Variants in KAZN observed in about 807,000 individuals in gnomAD.
The protein encoded by KAZN is kazrin, periplakin interacting protein.
KAZN carries 40 observed loss-of-function variants against 87.4 expected under a neutral mutation model. That is an observed-to-expected ratio of 0.46 (90% CI 0.36 to 0.60). The LOEUF (loss-of-function observed/expected upper bound fraction) is 0.60, where lower values mean the gene tolerates loss of function less well. KAZN is among the 20% of genes least tolerant of loss of function. The pLI, the probability that KAZN is intolerant of heterozygous loss-of-function variation, is 0.00. For synonymous variants in KAZN, 466 were observed against 458.3 expected (o/e 1.02, Z -0.22); for missense variants, 898 against 1,073.9 (o/e 0.84, Z 2.29).
chr1:14,180,308 G>A (rs996727721), intron 1 of KAZN: 15 of 738,180 alleles, frequency 2.0e-5, no homozygotes, highest in African/African-American at 2.0e-4. Flanking sequence ...GATGTGTCAA[G>A]TTCTTGATAC....
chr1:14,166,925 A>T (rs1645840539), intron 1 of KAZN, among the ~76,000 whole-genome samples: 1 of 152,234 alleles, frequency 6.6e-6, no homozygotes, highest in African/African-American at 2.4e-5. Flanking sequence ...TTACAGACTC[A>T]GTAAGGAAGT....
rs74764015 is a variant in KAZN at position 14,241,776 on chromosome 1, G to C, written c.249+61184G>C. On this transcript the variant is annotated intron_variant, in intron 2 of 16. Coordinates refer to the KAZN transcript ENST00000636203. ...AAGAGGACTCAACTGGCCTCTGAAA[G>C]AAACTTTGAATTGCTGACGTGTGTC... Among the ~76,000 whole-genome samples the C allele has an allele frequency of 6.1e-4, 93 of 152,322 alleles. 1 individual carries two copies. Among genetic ancestry groups the C allele is most frequent in the African/African-American group, 2.2e-3 (90 of 41,578 alleles).
intron 2 of KAZN, among the ~76,000 whole-genome samples, chr1:14,552,991 AC>A (rs1386035391): frequency 6.6e-6 from 1 of 152,150 alleles, no homozygotes; most frequent in Non-Finnish European, 1.5e-5. Context: ...AAGACTCAGC[AC>A]AATTAGCCGT....
intron 1 of KAZN, among the ~76,000 whole-genome samples, chr1:14,004,553 G>A (rs116660761): frequency 1.6e-3 from 249 of 152,204 alleles, no homozygotes; most frequent in African/African-American, 5.7e-3. Context: ...TGCAGCAATG[G>A]GGTGCTTAGT....
At chr1:13,965,594 A>G (rs1020421395) in intron 1 of KAZN, among the ~76,000 whole-genome samples, 1 of 152,188 alleles carries the variant, frequency 6.6e-6, no homozygotes, top group Non-Finnish European at 1.5e-5. Context: ...ATTTCCCAGC[A>G]AGACTGGGAG....
intron 1 of KAZN, among the ~76,000 whole-genome samples, chr1:14,716,342 C>T (rs1030057480): frequency 1.3e-5 from 2 of 152,140 alleles, no homozygotes; most frequent in African/African-American, 4.8e-5. Flanking sequence ...CTCCAAAATC[C>T]CTGCTGCCTA....
intron 2 of KAZN, among the ~76,000 whole-genome samples, chr1:14,498,320 C>G (rs576715005): frequency 6.6e-6 from 1 of 152,236 alleles, no homozygotes; most frequent in Non-Finnish European, 1.5e-5. Flanking sequence ...CCAGCCTTCT[C>G]CTGCCTGCTC....
intron 2 of KAZN, among the ~76,000 whole-genome samples, chr1:14,976,020 A>C (rs1024422949): frequency 4.0e-5 from 5 of 125,700 alleles, no homozygotes; most frequent in Non-Finnish European, 8.0e-5. Flanking sequence ...CGACTGAGCG[A>C]GACTCCGTCT....
At chr1:14,842,990 G>A (rs1466123203) in intron 1 of KAZN, among the ~76,000 whole-genome samples, 1 of 152,138 alleles carries the variant, frequency 6.6e-6, no homozygotes, top group Non-Finnish European at 1.5e-5. Flanking sequence ...ATCTCTTATA[G>A]ACATTATCTC....
chr1:14,557,665 T>TGG (rs1157388971), intron 2 of KAZN, among the ~76,000 whole-genome samples: 1 of 122,766 alleles, frequency 8.1e-6, no homozygotes. Context: ...TGTGTGTGTG[T>TGG]GGTGTGTGAG....
At chr1:14,583,558 GGA>G (rs1675678814) in intron 2 of KAZN, among the ~76,000 whole-genome samples, 1 of 152,208 alleles carries the variant, frequency 6.6e-6, no homozygotes, top group Non-Finnish European at 1.5e-5. Flanking sequence ...TGGAGGCAAA[GGA>G]GCTGGGATTT....
intron 2 of KAZN, among the ~76,000 whole-genome samples, chr1:14,536,121 C>T (rs1399330248): frequency 6.6e-6 from 1 of 152,176 alleles, no homozygotes; most frequent in South Asian, 2.1e-4. Flanking sequence ...GCATGGTCAA[C>T]CCAATCCGGG....
At chr1:14,927,846 A>G (rs1659333651) in intron 1 of KAZN, among the ~76,000 whole-genome samples, 1 of 152,100 alleles carries the variant, frequency 6.6e-6, no homozygotes. Flanking sequence ...TCCCCTTTAC[A>G]TGAAACCCGC....
intron 2 of KAZN, among the ~76,000 whole-genome samples, chr1:14,510,292 T>A (rs1281020713): frequency 6.6e-6 from 1 of 151,440 alleles, no homozygotes; most frequent in Non-Finnish European, 1.5e-5. Flanking sequence ...GCAGGAGAAT[T>A]GCTTGAACCC....
rs193237705 is a variant in KAZN at position 14,298,620 on chromosome 1, G to C, written c.249+118028G>C. ...CTTCAGGTATTATTTTTAGTTTGCA[G>C]ACTAAAAGTTTGGAAAGGAATGAAA... On this transcript the variant is annotated intron_variant, in intron 2 of 16. Transcript: ENST00000636203. Among the ~76,000 whole-genome samples, 75 of 152,208 alleles carry C rather than the reference G, an allele frequency of 4.9e-4. 1 individual carries two copies. The highest frequency in any genetic ancestry group is 6.8e-3 in the Middle Eastern group (2 of 294).
intron 2 of KAZN, among the ~76,000 whole-genome samples, chr1:14,565,129 C>A (rs1032606093): frequency 3.3e-5 from 5 of 152,128 alleles, no homozygotes; most frequent in African/African-American, 1.2e-4. Flanking sequence ...AGTTGGAGAC[C>A]CCTAGGTATC....
intron 1 of KAZN, among the ~76,000 whole-genome samples, chr1:13,989,186 G>T (rs1639164791): frequency 6.6e-6 from 1 of 152,102 alleles, no homozygotes; most frequent in Non-Finnish European, 1.5e-5. Context: ...ATGGTCTTCA[G>T]CTCTCATTAG....
intron 2 of KAZN, among the ~76,000 whole-genome samples, chr1:14,274,347 TCACCAAACA>T (rs1004640641): frequency 5.8e-4 from 88 of 152,290 alleles, no homozygotes; most frequent in Non-Finnish European, 3.4e-4. Flanking sequence ...TGAGTATAAT[TCACCAAACA>T]CACCACCCTC....
At position 14,528,960 on chromosome 1, in the gene KAZN, C is replaced by T. The variant is rs369174489; in HGVS notation, c.250-70023C>T. The stretch of plus-strand genomic sequence containing the variant: ...CAGAGGGAAATAGACCTCTTCCCAC[C>T]CCCCATTCCAGTTATCTTTATTCTA... On this transcript the variant is annotated intron_variant, in intron 2 of 16. Transcript: ENST00000636203. Among the ~76,000 whole-genome samples, 89 of 152,164 alleles carry T rather than the reference C, an allele frequency of 5.8e-4. 1 individual carries two copies. The East Asian group carries it at 0.012, about 21-fold the overall frequency.
Sources: allele counts gnomAD v4.1 joint callset (sites outside exome capture counted in the v4.1 genomes callset), GRCh38; gene constraint gnomAD v4.1.1; transcripts MANE v1.5; gene names NCBI Gene and HGNC (gene_info 2026-07-23, HGNC 2026-07-21).